ZNF485: variants seen among roughly 807,000 people sequenced by gnomAD.
The protein encoded by ZNF485 is Zinc finger protein 93 (Zinc finger protein HTF34).
A neutral mutation model predicts 10.8 loss-of-function variants in ZNF485; 9 were observed. That is an observed-to-expected ratio of 0.83 (90% confidence interval 0.50 to 1.45). The LOEUF (loss-of-function observed/expected upper bound fraction) is 1.45, where lower values mean the gene tolerates loss of function less well. Among genes scored for constraint, ZNF485 ranks in the 40% most tolerant of loss-of-function variants. ZNF485 has a pLI of 0.00. For missense variants in ZNF485, 487 were observed against 528.0 expected, an observed-to-expected ratio of 0.92 and a Z score of 0.76; for synonymous variants, 187 against 181.0, an observed-to-expected ratio of 1.03 and a Z score of -0.27.
chr10:43,612,537 A>G (rs1291916605), intron 4 of ZNF485, among the ~76,000 whole-genome samples: 1 of 152,220 alleles, frequency 6.6e-6, no homozygotes, highest in Non-Finnish European at 1.5e-5. Context: ...CAGTGTTGTC[A>G]ATACTGACTT....
At position 43,608,686 on chromosome 10, in the gene ZNF485, C is replaced by A. The variant is rs747465503; in HGVS notation, c.97C>A (p.Arg33=). Reference sequence around the variant, plus strand: ...GTGGAGACACCTGGATGCTGCTCAGCGGGCCCTGTACAGGGATGTGATGCT... The same window carrying A: ...GTGGAGACACCTGGATGCTGCTCAGAGGGCCCTGTACAGGGATGTGATGCT... ...IEWRHLDAAQ[R]ALYRDVMLEN... is the part of the protein sequence containing the mutation. Residue 33 remains arginine, a synonymous_variant, in exon 3 of 5, where the codon CGG becomes AGG. Transcript: ENST00000361807. The A allele has an allele frequency of 6.2e-7, 1 of 1,614,064 alleles. No homozygotes were observed.
chr10:43,607,149 ATGCCC>A, intron 2 of ZNF485, 75 bp downstream of exon 2: 2 of 1,521,648 alleles, frequency 1.3e-6, no homozygotes, highest in Non-Finnish European at 1.8e-6. Context: ...TGCCCGGACA[ATGCCC>A]TGCCCTGTGT....
Position 43,606,518 on chromosome 10 carries a change from C to T in ZNF485, c.-83C>T, listed in dbSNP as rs559737068. The T allele has an allele frequency of 1.2e-5, 4 of 333,876 alleles. No homozygotes were observed. Among genetic ancestry groups the T allele is most frequent in the Non-Finnish European group, 2.2e-5 (4 of 178,090 alleles). 20.7% of individuals were successfully genotyped at this position (333,876 alleles called of 1,614,324 possible). On this transcript the variant is annotated 5_prime_UTR_variant, in exon 1 of 5. Coordinates refer to ENST00000361807, the MANE Select transcript of ZNF485 (RefSeq NM_145312.4). ...TGTGGTCGCTGACTCTCTGGGCGTG[C>T]AGCTCCGCAGCCCTGCCGGCTCGGT...
At chr10:43,608,573 C>G (rs1439783782) in intron 2 of ZNF485, 41 bp from the exon 3 acceptor site, 2 of 1,577,696 alleles carry the variant, frequency 1.3e-6, no homozygotes, top group Non-Finnish European at 1.7e-6. Context: ...ATGCCTCCCT[C>G]AGGGGTTCCC....
intron 4 of ZNF485, among the ~76,000 whole-genome samples, chr10:43,612,851 T>G (rs1336635224): frequency 5.3e-5 from 8 of 152,184 alleles, no homozygotes; most frequent in Non-Finnish European, 1.2e-4. Context: ...CTTTTCCCTT[T>G]TGCTTTCCTT....
At chr10:43,610,505 C>T (rs1053735085) in intron 4 of ZNF485, among the ~76,000 whole-genome samples, 2 of 152,048 alleles carry the variant, frequency 1.3e-5, no homozygotes, top group Admixed American at 6.6e-5. Context: ...TTAACATTTC[C>T]CCCCTAAATT....
At chr10:43,611,141 T>C (rs1462850072) in intron 4 of ZNF485, among the ~76,000 whole-genome samples, 1 of 152,160 alleles carries the variant, frequency 6.6e-6, no homozygotes, top group Non-Finnish European at 1.5e-5. Context: ...GCTCAAGTGA[T>C]CCTCCTGCCT....
intron 1 of ZNF485, among the ~76,000 whole-genome samples, 171 bp from the exon 2 acceptor site, chr10:43,606,826 C>A (rs564185296): frequency 1.3e-5 from 2 of 152,356 alleles, no homozygotes; most frequent in African/African-American, 4.8e-5. Context: ...TGGCTGCAGT[C>A]CAGGCCGGAT....
At chr10:43,610,909 G>A (rs962168040) in intron 4 of ZNF485, among the ~76,000 whole-genome samples, 5 of 152,152 alleles carry the variant, frequency 3.3e-5, no homozygotes, top group African/African-American at 1.2e-4. Flanking sequence ...TGTATACTTT[G>A]TGAGAGTATC....
rs538880745 is a variant in ZNF485 at position 43,616,796 on chromosome 10, C to T, written c.753C>T (p.Phe251=). The T allele has an allele frequency of 8.4e-5, 135 of 1,613,720 alleles. 1 individual carries two copies. The highest frequency in any genetic ancestry group is 5.0e-4 in the Middle Eastern group (3 of 6,060). ...AATGTAATGACTGTGGGAAAGCCTTCGCTCAGAATGCAGCTCTTACTCGTC... is the reference window on the plus strand; with the variant it reads ...AATGTAATGACTGTGGGAAAGCCTTTGCTCAGAATGCAGCTCTTACTCGTC... ...PYKCNDCGKA[F]AQNAALTRHE... is the part of the protein sequence containing the mutation. Residue 251 remains phenylalanine, a synonymous_variant, in exon 5 of 5, where the codon TTC becomes TTT. Coordinates refer to ENST00000361807, the MANE Select transcript of ZNF485 (RefSeq NM_145312.4).
intron 4 of ZNF485, among the ~76,000 whole-genome samples, chr10:43,615,087 C>T (rs895735444): frequency 2.0e-5 from 3 of 152,202 alleles, no homozygotes; most frequent in Non-Finnish European, 2.9e-5. Context: ...CTTCAACTTA[C>T]ATTTCCTTGA....
intron 4 of ZNF485, among the ~76,000 whole-genome samples, chr10:43,612,320 C>CTTTT (rs1414436345): frequency 2.0e-5 from 3 of 152,068 alleles, no homozygotes; most frequent in Non-Finnish European, 4.4e-5. Context: ...TTTACGTTTT[C>CTTTT]TTTTTCATCT....
intron 1 of ZNF485, 93 bp from the exon 2 acceptor site, chr10:43,606,904 G>A (rs967240692): frequency 3.7e-5 from 34 of 925,236 alleles, no homozygotes; most frequent in Non-Finnish European, 5.4e-5. Context: ...CACCTGTGGA[G>A]GGAACGGGCG....
chr10:43,616,180 T>G, intron 4 of ZNF485, 111 bp from the exon 5 acceptor site: 2 of 874,232 alleles, frequency 2.3e-6, no homozygotes, highest in Non-Finnish European at 3.4e-6. Context: ...CATTAATAAT[T>G]TTTCATAACC....
intron 2 of ZNF485, 126 bp downstream of exon 2, chr10:43,607,200 C>G: frequency 9.1e-7 from 1 of 1,098,624 alleles, no homozygotes. Flanking sequence ...CTGGATGGGT[C>G]CCGCGATTTC....
At chr10:43,610,536 A>G (rs1351374419) in intron 4 of ZNF485, among the ~76,000 whole-genome samples, 1 of 151,246 alleles carries the variant, frequency 6.6e-6, no homozygotes, top group Non-Finnish European at 1.5e-5. Flanking sequence ...TTCTTTATAT[A>G]GTAACAAAAG....
intron 1 of ZNF485, 71 bp from the exon 2 acceptor site, chr10:43,606,926 G>C (rs1838659066): frequency 6.4e-6 from 8 of 1,249,986 alleles, no homozygotes; most frequent in Non-Finnish European, 6.8e-6. Context: ...GCGGGGACCT[G>C]GTCTAGAGGG....
Position 43,612,948 on chromosome 10 carries a change from C to G in ZNF485, c.248-3343C>G, listed in dbSNP as rs535530890. On this transcript the variant is annotated intron_variant, in intron 4 of 4. Transcript: ENST00000361807. ...ACTGATGTAATATAAATATTTAAAG[C>G]CTTAAACTTTGTCTATGTAATGTTT... 3.3e-5 allele frequency among the ~76,000 whole-genome samples: 5 copies of G among 152,078 alleles called. No individual in the cohort carries two copies. The East Asian group carries it at 5.8e-4, about 18-fold the overall frequency.
intron 4 of ZNF485, among the ~76,000 whole-genome samples, chr10:43,609,870 A>C (rs113729394): frequency 8.5e-4 from 130 of 152,128 alleles, no homozygotes; most frequent in African/African-American, 3.0e-3. Context: ...TTTTATGTAG[A>C]GATGGAGTGT....
Sources: allele counts gnomAD v4.1 joint callset (sites outside exome capture counted in the v4.1 genomes callset), GRCh38; gene constraint gnomAD v4.1.1; transcripts MANE v1.5; gene names NCBI Gene and HGNC (gene_info 2026-07-23, HGNC 2026-07-21).